Variants in USP24 observed in about 807,000 individuals in gnomAD.
USP24 encodes ubiquitin carboxyl-terminal hydrolase 24.
A neutral mutation model predicts 361.6 loss-of-function variants in USP24; 97 were observed. That is an observed-to-expected ratio of 0.27 (90% CI 0.23 to 0.32). The LOEUF (loss-of-function observed/expected upper bound fraction) is 0.32, where lower values mean the gene tolerates loss of function less well. Among genes scored for constraint, USP24 ranks in the 10% least tolerant of loss-of-function variants. USP24 has a pLI of 1.00. For missense variants in USP24, 2,353 were observed against 3,165.6 expected, an observed-to-expected ratio of 0.74 and a Z score of 6.16; for synonymous variants, 1,098 against 1,124.6, an observed-to-expected ratio of 0.98 and a Z score of 0.47.
chr1:55,119,990 C>A (rs945133331), intron 38 of USP24, among the ~76,000 whole-genome samples: 4 of 152,122 alleles, frequency 2.6e-5, no homozygotes, highest in Admixed American at 2.0e-4. Context: ...ATAAGCCCCA[C>A]AGTAGGGGCT....
chr1:55,084,724 C>T (rs368686081), intron 56 of USP24, among the ~76,000 whole-genome samples: 27 of 152,134 alleles, frequency 1.8e-4, no homozygotes, highest in African/African-American at 5.8e-4. Context: ...TTTCCATTTA[C>T]GGGGGGAGGG....
chr1:55,165,811 C>T, intron 7 of USP24, 74 bp downstream of exon 7: 1 of 1,315,018 alleles, frequency 7.6e-7, no homozygotes, highest in Middle Eastern at 1.9e-4. Flanking sequence ...CATGTCCAGA[C>T]CATATCCTCT....
intron 34 of USP24, 48 bp downstream of exon 34, chr1:55,125,272 A>G: frequency 6.4e-7 from 1 of 1,563,420 alleles, no homozygotes; most frequent in Non-Finnish European, 8.8e-7. Flanking sequence ...TAAACAGGAC[A>G]TTCTGAATAA....
At chr1:55,180,975 T>C (rs1643949536) in intron 1 of USP24, among the ~76,000 whole-genome samples, 1 of 152,032 alleles carries the variant, frequency 6.6e-6, no homozygotes, top group South Asian at 2.1e-4. Flanking sequence ...TGCCAGACTT[T>C]CCTTCAGTTC....
rs534073458 is a variant in USP24, at chr1:55,125,527, T to C, written c.3753A>G (p.Thr1251=). ...QLARFLLVGQ[T]MPTLLDEDLT... ...GGTCTTCATCTAATAACGTGGGCATTGTTTGTCCGACAAGTAAAAATCTTA... is the reference window on the plus strand; with the variant it reads ...GGTCTTCATCTAATAACGTGGGCATCGTTTGTCCGACAAGTAAAAATCTTA... The change falls in exon 34 of 68, where the codon ACA becomes ACG. Residue 1251 remains threonine, a synonymous_variant. Transcript: ENST00000294383. 17 of 1,613,566 alleles carry C rather than the reference T, an allele frequency of 1.1e-5. No homozygotes were observed. In the African/African-American group the frequency reaches 1.1e-4, roughly 10 times the overall value.
At chr1:55,130,798 T>C (rs192855929) in intron 31 of USP24, among the ~76,000 whole-genome samples, 1 of 152,254 alleles carries the variant, frequency 6.6e-6, no homozygotes, top group Non-Finnish European at 1.5e-5. Context: ...CACTTTGAAG[T>C]TTCCTAGCAG....
chr1:55,084,247 T>G, intron 56 of USP24: 1 of 192,446 alleles, frequency 5.2e-6, no homozygotes, highest in Non-Finnish European at 1.0e-5. Flanking sequence ...CTCCCTCCAC[T>G]ACGTTACTTC....
At chr1:55,103,793 C>T in intron 42 of USP24, 83 bp downstream of exon 42, 1 of 1,434,866 alleles carries the variant, frequency 7.0e-7, no homozygotes, top group Non-Finnish European at 9.3e-7. Flanking sequence ...TTGTGGTCAG[C>T]AGAATGCAAA....
chr1:55,083,318 C>G lies in USP24; in HGVS notation c.6929G>C (p.Arg2310Pro). Residue 2310 changes from arginine (R) to proline (P), a missense_variant, in exon 58 of 68, where the codon CGG (arginine) becomes CCG (proline). Physicochemically the swap from Arg to Pro is moderately radical, Grantham distance 103. This residue lies in a region of USP24 where 598 missense variants were observed against 761.9 expected (regional missense o/e 0.78). Coordinates refer to ENST00000294383, the MANE Select transcript of USP24 (RefSeq NM_015306.3). ...CCCTAGGAGGAAGCTGATCATGTGCCGCAGAGCTGAATGCCTCAGAAGAAG... is the reference window on the plus strand; with the variant it reads ...CCCTAGGAGGAAGCTGATCATGTGCGGCAGAGCTGAATGCCTCAGAAGAAG... The part of the protein sequence containing the change: ...GDLLLRHSAL[R>P]HMISFLLGAS... The G allele has an allele frequency of 6.2e-7, 1 of 1,613,720 alleles. No homozygotes were observed.
chr1:55,145,991 T>A lies in USP24; in HGVS notation c.2362+7A>T. On this transcript the variant is annotated splice_region_variant and intron_variant, in intron 20 of 67. Transcript: ENST00000294383. ...ACTGAAAAAAATGATTTTAAGTTTT[T>A]TCCTACCATTCATAGTGATTTCATA... The A allele has an allele frequency of 1.3e-6, 2 of 1,591,190 alleles. No homozygotes were observed. Among genetic ancestry groups the A allele is most frequent in the Non-Finnish European group, 1.7e-6 (2 of 1,162,450 alleles).
At chr1:55,178,217 C>T (rs767280464) in intron 1 of USP24, 85 bp from the exon 2 acceptor site, 7 of 1,397,614 alleles carry the variant, frequency 5.0e-6, no homozygotes, top group Non-Finnish European at 6.8e-6. Flanking sequence ...AGAGCAGATA[C>T]TGAATCAATG....
chr1:55,203,966 C>G (rs1353465758), intron 1 of USP24, among the ~76,000 whole-genome samples: 3 of 152,066 alleles, frequency 2.0e-5, no homozygotes, highest in Admixed American at 2.0e-4. Context: ...ATAGGATGAT[C>G]TGCTGCTACT....
At chr1:55,152,031 C>A in intron 16 of USP24, 1 of 975,632 alleles carries the variant, frequency 1.0e-6, no homozygotes. Context: ...AAATAATTCA[C>A]CCCCCTGCCT....
chr1:55,199,622 T>TGAGA (rs1409664880), intron 1 of USP24, among the ~76,000 whole-genome samples: 17 of 111,554 alleles, frequency 1.5e-4, no homozygotes, highest in African/African-American at 3.6e-4. Flanking sequence ...TGTGTGTGTG[T>TGAGA]GAGAGAGAGA....
chr1:55,166,921 T>C (rs1028863652), intron 5 of USP24, among the ~76,000 whole-genome samples: 3 of 152,172 alleles, frequency 2.0e-5, no homozygotes, highest in Admixed American at 2.0e-4. Flanking sequence ...AGTTTTATTT[T>C]AGAAATTAAA....
At chr1:55,144,760 C>A (rs1276812586) in intron 20 of USP24, among the ~76,000 whole-genome samples, 1 of 152,072 alleles carries the variant, frequency 6.6e-6, no homozygotes, top group African/African-American at 2.4e-5. Context: ...CATGGTGAAA[C>A]CCTGTCTCTA....
intron 12 of USP24, among the ~76,000 whole-genome samples, chr1:55,155,175 G>A (rs1647508838): frequency 6.6e-6 from 1 of 152,142 alleles, no homozygotes; most frequent in African/African-American, 2.4e-5. Context: ...TTCCAATTGA[G>A]CGTATTACCT....
At chr1:55,176,924 C>T (rs1293839842) in intron 2 of USP24, among the ~76,000 whole-genome samples, 7 of 151,946 alleles carry the variant, frequency 4.6e-5, no homozygotes, top group South Asian at 4.2e-4. Context: ...AGTGAAACCC[C>T]GTCCCTACAA....
At chr1:55,211,477 T>C (rs528422365) in intron 1 of USP24, among the ~76,000 whole-genome samples, 49 of 152,238 alleles carry the variant, frequency 3.2e-4, no homozygotes, top group Non-Finnish European at 6.5e-4. Context: ...CAGTTGTGTG[T>C]TTTGCTAGAT....
Sources: allele counts gnomAD v4.1 joint callset (sites outside exome capture counted in the v4.1 genomes callset), GRCh38; gene constraint gnomAD v4.1.1; regional missense constraint gnomAD v4.1.1; transcripts MANE v1.5; gene names NCBI Gene and HGNC (gene_info 2026-07-23, HGNC 2026-07-21).